The following RBFOX1 variants were observed in gnomAD, a reference collection of about 807,000 sequenced individuals.
RBFOX1 encodes the protein RNA binding fox-1 homolog 1.
In RBFOX1, 8 loss-of-function variants were observed where a neutral mutation model predicts 57.7. That is an observed-to-expected ratio of 0.14 (90% CI 0.08 to 0.25). The LOEUF (loss-of-function observed/expected upper bound fraction) is 0.25, where lower values mean the gene tolerates loss of function less well. Among genes scored for constraint, RBFOX1 ranks in the 10% least tolerant of loss-of-function variants. The pLI, the probability that RBFOX1 is intolerant of heterozygous loss-of-function variation, is 1.00. For synonymous variants in RBFOX1, 326 were observed against 222.4 expected (o/e 1.47, Z -4.15); for missense variants, 611 against 548.5 (o/e 1.11, Z -1.14).
intron 3 of RBFOX1, among the ~76,000 whole-genome samples, chr16:6,894,677 A>G (rs1039234938): frequency 2.0e-5 from 3 of 152,196 alleles, no homozygotes; most frequent in Non-Finnish European, 4.4e-5. Context: ...TAAGAAACTG[A>G]TAGCCTCGAC....
chr16:5,663,599 C>A (rs1052758051), intron 3 of RBFOX1, among the ~76,000 whole-genome samples: 1 of 152,152 alleles, frequency 6.6e-6, no homozygotes, highest in African/African-American at 2.4e-5. Context: ...TTCAACACTG[C>A]ATCATTCAAA....
intron 3 of RBFOX1, among the ~76,000 whole-genome samples, chr16:6,959,446 G>A (rs898961492): frequency 6.6e-6 from 1 of 152,178 alleles, no homozygotes; most frequent in East Asian, 1.9e-4. Flanking sequence ...GAAGGCAGAA[G>A]TTGGAATAAA....
intron 2 of RBFOX1, among the ~76,000 whole-genome samples, chr16:6,460,678 G>A (rs1314263425): frequency 6.6e-6 from 1 of 152,180 alleles, no homozygotes; most frequent in African/African-American, 2.4e-5. Context: ...CATTGTGGAA[G>A]ACAGTGTGGT....
Position 6,082,596 on chromosome 16 carries a change from C to G in RBFOX1, c.-127+62604C>G, listed in dbSNP as rs190240828. On this transcript the variant is annotated intron_variant, in intron 1 of 15. Transcript: ENST00000550418. The stretch of plus-strand genomic sequence containing the variant: ...GCCCTTAGCAGACCTTCTCTTTATC[C>G]CCTTGACCAGGTTTGTATCACATGC... Among the ~76,000 whole-genome samples the G allele has an allele frequency of 8.2e-4, 125 of 151,976 alleles. 1 individual carries two copies. The highest frequency in any genetic ancestry group is 2.8e-3 in the African/African-American group (118 of 41,482).
intron 2 of RBFOX1, among the ~76,000 whole-genome samples, chr16:5,485,052 G>C (rs1330174813): frequency 6.7e-6 from 1 of 149,618 alleles, no homozygotes; most frequent in Non-Finnish European, 1.5e-5. Context: ...GCCTGTCTCA[G>C]AAAAAAAGTT....
intron 3 of RBFOX1, among the ~76,000 whole-genome samples, chr16:6,691,037 A>T (rs868330951): frequency 2.0e-5 from 3 of 152,138 alleles, no homozygotes; most frequent in Non-Finnish European, 4.4e-5. Flanking sequence ...TCATTTTGTT[A>T]TTCATGTTAC....
chr16:7,418,079 T>A (rs1208663257), intron 4 of RBFOX1, among the ~76,000 whole-genome samples: 1 of 152,066 alleles, frequency 6.6e-6, no homozygotes, highest in African/African-American at 2.4e-5. Context: ...TCCCTGTCAC[T>A]CTCTGCCCAA....
intron 3 of RBFOX1, among the ~76,000 whole-genome samples, chr16:6,778,725 T>C (rs572129622): frequency 2.6e-5 from 4 of 152,086 alleles, no homozygotes; most frequent in Non-Finnish European, 5.9e-5. Flanking sequence ...CTAGATTGTC[T>C]TCCTGAGTCT....
chr16:5,644,859 G>A (rs575214585), intron 3 of RBFOX1, among the ~76,000 whole-genome samples: 4 of 152,240 alleles, frequency 2.6e-5, no homozygotes, highest in South Asian at 2.1e-4. Flanking sequence ...GTTCATGTGC[G>A]AGTTTTTGTC....
intron 1 of RBFOX1, among the ~76,000 whole-genome samples, chr16:6,280,318 C>T (rs2076243284): frequency 6.6e-6 from 1 of 152,190 alleles, no homozygotes; most frequent in African/African-American, 2.4e-5. Flanking sequence ...GGCTGCCTTT[C>T]TGCTGTCTCT....
At chr16:6,012,311 A>C (rs745646580) in intron 4 of RBFOX1, among the ~76,000 whole-genome samples, 4 of 152,238 alleles carry the variant, frequency 2.6e-5, no homozygotes, top group Non-Finnish European at 5.9e-5. Flanking sequence ...GTAAGGCTAA[A>C]TGTATGCTAA....
At chr16:7,165,472 C>A (rs954041421) in intron 4 of RBFOX1, among the ~76,000 whole-genome samples, 10 of 151,206 alleles carry the variant, frequency 6.6e-5, no homozygotes, top group Admixed American at 2.0e-4. Context: ...TCTTGTTCCC[C>A]AGGCTGGAGT....
chr16:6,314,944 C>G (rs993949882), intron 1 of RBFOX1, among the ~76,000 whole-genome samples: 1 of 152,196 alleles, frequency 6.6e-6, no homozygotes, highest in African/African-American at 2.4e-5. Flanking sequence ...AGCTCCGTTG[C>G]CACTTCCTTG....
chr16:5,269,733 G>T (rs955781485), intron 1 of RBFOX1, among the ~76,000 whole-genome samples: 2 of 152,222 alleles, frequency 1.3e-5, no homozygotes, highest in Admixed American at 1.3e-4. Context: ...TTGAGGTGAT[G>T]AAATGTTCTA....
rs2077701257 is a variant in RBFOX1 at position 6,293,581 on chromosome 16, A to G, written c.-126-23414A>G. Among the ~76,000 whole-genome samples, 3 of 152,216 alleles carry G rather than the reference A, an allele frequency of 2.0e-5. No homozygotes were observed. In the South Asian group the frequency reaches 6.2e-4, roughly 32 times the overall value. ...GTTTGGAGAGGGGCAAGCAATAAACATCTGTGAGGTAGATGATTATGTGAT... is the reference window on the plus strand; with the variant it reads ...GTTTGGAGAGGGGCAAGCAATAAACGTCTGTGAGGTAGATGATTATGTGAT... On this transcript the variant is annotated intron_variant, in intron 1 of 15. Transcript: ENST00000550418.
At chr16:5,351,223 T>C (rs1289330795) in intron 1 of RBFOX1, among the ~76,000 whole-genome samples, 1 of 152,232 alleles carries the variant, frequency 6.6e-6, no homozygotes, top group Non-Finnish European at 1.5e-5. Context: ...AGACACTGCC[T>C]GAAGCACTTT....
chr16:6,185,816 C>T (rs1315087769), intron 1 of RBFOX1, among the ~76,000 whole-genome samples: 2 of 152,042 alleles, frequency 1.3e-5, no homozygotes, highest in African/African-American at 2.4e-5. Context: ...GGTTGATGAG[C>T]GTGAGAGTAG....
chr16:7,710,964 TTGGTTGCTGGCTGTAGGAGTTTTTG>T lies in RBFOX1; in HGVS notation c.*226_*250del. ...CTTTAATTTCTGAAGGTTCCGTAGTTTGGTTGCTGGCTGTAGGAGTTTTTGTGGTTGATCTAGACAGATGCTAGAT... is the reference window on the plus strand; with the variant it reads ...CTTTAATTTCTGAAGGTTCCGTAGTTTGGTTGATCTAGACAGATGCTAGAT... On this transcript the variant is annotated 3_prime_UTR_variant, in exon 16 of 16. Transcript: ENST00000550418. 1.9e-6 allele frequency: 1 copy of T among 540,296 alleles called. No individual in the cohort carries two copies. The highest frequency in any genetic ancestry group is 2.8e-6 in the Non-Finnish European group (1 of 352,626). The allele number at this position is 540,296 out of a possible 1,614,324, so 33.5% of individuals were successfully genotyped here. A position where few individuals can be genotyped will look rare whatever the true frequency, so the allele number is the denominator to read the frequency against.
chr16:6,433,937 T>G (rs997071113), intron 2 of RBFOX1, among the ~76,000 whole-genome samples: 1 of 145,388 alleles, frequency 6.9e-6, no homozygotes, highest in Non-Finnish European at 1.5e-5. Flanking sequence ...AACCTCCACC[T>G]CCCGGGTTCA....
Sources: gnomAD v4.1 joint callset for allele counts (sites outside exome capture counted in the v4.1 genomes callset) on GRCh38, gnomAD v4.1.1 for gene constraint, MANE v1.5 for transcripts, NCBI Gene and HGNC (gene_info 2026-07-23, HGNC 2026-07-21) for gene names.